Variants in DYNC2LI1 observed in about 807,000 individuals in gnomAD.
DYNC2LI1 encodes cytoplasmic dynein 2 light intermediate chain 1.
In DYNC2LI1, 45 loss-of-function variants were observed where a neutral mutation model predicts 51.9. That is an observed-to-expected ratio of 0.87 (90% CI 0.68 to 1.11). The LOEUF is 1.11. DYNC2LI1 is among the 50% of genes most tolerant of loss of function. The pLI is 0.00. For missense variants in DYNC2LI1, 490 were observed against 417.4 expected, an observed-to-expected ratio of 1.17 and a Z score of -1.51; for synonymous variants, 130 against 137.8, an observed-to-expected ratio of 0.94 and a Z score of 0.40.
intron 8 of DYNC2LI1, among the ~76,000 whole-genome samples, chr2:43,799,142 A>AT (rs1665989859): frequency 6.6e-6 from 1 of 152,050 alleles, no homozygotes; most frequent in Non-Finnish European, 1.5e-5. Context: ...TTGACAAAAA[A>AT]TTTTTTTAAT....
chr2:43,796,842 T>C, intron 8 of DYNC2LI1, 47 bp downstream of exon 8: 1 of 1,504,576 alleles, frequency 6.6e-7, no homozygotes, highest in Admixed American at 1.7e-5. Context: ...AGTACCAAAT[T>C]TGGGGAAATC....
At chr2:43,823,781 A>G in the DYNC2LI1 span, 1 of 1,037,822 alleles carries the variant, frequency 9.6e-7, no homozygotes, top group Non-Finnish European at 1.4e-6. Flanking sequence ...CTTTCCCCAG[A>G]GAGGGAACCT....
intron 1 of DYNC2LI1, among the ~76,000 whole-genome samples, chr2:43,775,472 G>A (rs1282174005): frequency 6.7e-6 from 1 of 149,258 alleles, no homozygotes; most frequent in Non-Finnish European, 1.5e-5. Flanking sequence ...TGTGGTTTTA[G>A]GGTTTTTTTT....
chr2:43,827,372 T>G, the DYNC2LI1 span, among the ~76,000 whole-genome samples: 2 of 151,754 alleles, frequency 1.3e-5, no homozygotes, highest in East Asian at 3.9e-4. Flanking sequence ...ACATCTCTCT[T>G]ATTTGCCTTC....
chr2:43,779,261 G>C (rs1253043845), intron 2 of DYNC2LI1, among the ~76,000 whole-genome samples: 1 of 152,076 alleles, frequency 6.6e-6, no homozygotes, highest in Non-Finnish European at 1.5e-5. Flanking sequence ...GGGAGACCTT[G>C]TTTCAAAAAA....
the DYNC2LI1 span, among the ~76,000 whole-genome samples, chr2:43,827,791 G>A: frequency 3.3e-5 from 5 of 152,162 alleles, no homozygotes; most frequent in African/African-American, 1.2e-4. Flanking sequence ...TTGTTTGGAT[G>A]ATGGAATCGC....
chr2:43,794,525 T>C lies in DYNC2LI1; in HGVS notation c.389T>C (p.Leu130Pro), dbSNP rs528201408. The change falls in exon 6 of 13, where the codon CTC becomes CCC. Residue 130 changes from leucine (L) to proline (P), a missense_variant. Coordinates refer to ENST00000260605, the MANE Select transcript of DYNC2LI1 (RefSeq NM_016008.4). ...PNDLWPTMEN[L>P]LQATKSHVDK... Reference sequence around the variant, plus strand: ...GATCTCTGGCCCACCATGGAAAATCTCTTGCAAGCCACAAAAAGCCATGTA... The same window carrying C: ...GATCTCTGGCCCACCATGGAAAATCCCTTGCAAGCCACAAAAAGCCATGTA... 1.3e-4 allele frequency: 202 copies of C among 1,614,048 alleles called. No homozygotes were observed. Among genetic ancestry groups the C allele is most frequent in the East Asian group, 5.4e-4 (24 of 44,852 alleles).
At chr2:43,788,029 A>G (rs1487413789) in intron 4 of DYNC2LI1, among the ~76,000 whole-genome samples, 2 of 152,226 alleles carry the variant, frequency 1.3e-5, no homozygotes, top group Non-Finnish European at 2.9e-5. Context: ...AGAAAAAAAC[A>G]TAATATATAG....
chr2:43,789,258 A>G (rs1157086942), intron 4 of DYNC2LI1, among the ~76,000 whole-genome samples: 2 of 152,092 alleles, frequency 1.3e-5, no homozygotes, highest in African/African-American at 4.8e-5. Context: ...TTTTATTTCT[A>G]TCTAGAATTA....
chr2:43,813,708 C>CGTTTTTTTTTTTTT (rs1666622901), downstream of DYNC2LI1, among the ~76,000 whole-genome samples: 1 of 35,374 alleles, frequency 2.8e-5, no homozygotes, highest in Non-Finnish European at 5.7e-5. Context: ...TTTTTTTTTT[C>CGTTTTTTTTTTTTT]GTTTTTTTTT....
At chr2:43,805,537 A>T (rs1314786170) in intron 12 of DYNC2LI1, 2 of 181,740 alleles carry the variant, frequency 1.1e-5, no homozygotes, top group East Asian at 2.9e-4. Flanking sequence ...ATTATATTAA[A>T]GATGAGTGGT....
intron 8 of DYNC2LI1, among the ~76,000 whole-genome samples, chr2:43,799,430 T>C (rs898727778): frequency 1.5e-4 from 23 of 152,136 alleles, no homozygotes; most frequent in Non-Finnish European, 3.1e-4. Flanking sequence ...CAGGAGAATA[T>C]CACCTAAAAT....
At chr2:43,824,452 G>C in the DYNC2LI1 span, 1 of 1,612,548 alleles carries the variant, frequency 6.2e-7, no homozygotes, top group Non-Finnish European at 8.5e-7. Context: ...TTTCCCAAAA[G>C]ATGTCACCCA....
At chr2:43,820,533 T>C in the DYNC2LI1 span, among the ~76,000 whole-genome samples, 1 of 152,238 alleles carries the variant, frequency 6.6e-6, no homozygotes, top group Non-Finnish European at 1.5e-5. Context: ...ATCTCTGTTA[T>C]ATGGGATTAT....
intron 12 of DYNC2LI1, 58 bp from the exon 13 acceptor site, chr2:43,809,647 T>G (rs1666409045): frequency 6.5e-6 from 8 of 1,227,630 alleles, no homozygotes; most frequent in Non-Finnish European, 8.3e-6. Context: ...AGTTTTAAGG[T>G]GCCTCCTTGA....
chr2:43,774,274 G>A (rs1672909779), intron 1 of DYNC2LI1, 128 bp downstream of exon 1: 1 of 1,259,096 alleles, frequency 7.9e-7, no homozygotes, highest in Non-Finnish European at 1.1e-6. Context: ...TGCAGGGTCG[G>A]GGACCTAGGA....
chr2:43,805,741 C>G (rs1045810732), intron 12 of DYNC2LI1, among the ~76,000 whole-genome samples: 4 of 152,128 alleles, frequency 2.6e-5, no homozygotes, highest in African/African-American at 9.7e-5. Flanking sequence ...AACCCAGGTT[C>G]TCTCAGGAAA....
the DYNC2LI1 span, chr2:43,825,128 C>A: frequency 7.4e-7 from 1 of 1,343,324 alleles, no homozygotes. Flanking sequence ...CTTATGGTCA[C>A]CAAGTCCTTA....
chr2:43,812,876 G>A (rs1457203946), downstream of DYNC2LI1: 3 of 527,170 alleles, frequency 5.7e-6, no homozygotes, highest in African/African-American at 3.8e-5. Context: ...TCTTGGGTCC[G>A]CTCAGTCACA....
Sources: gnomAD v4.1 joint callset for allele counts (sites outside exome capture counted in the v4.1 genomes callset) on GRCh38, gnomAD v4.1.1 for gene constraint, MANE v1.5 for transcripts, NCBI Gene and HGNC (gene_info 2026-07-23, HGNC 2026-07-21) for gene names.